The following DAP variants were observed in gnomAD, a reference collection of about 807,000 sequenced individuals.
DAP encodes death associated protein.
A neutral mutation model predicts 13.8 loss-of-function variants in DAP; 8 were observed. That is an observed-to-expected ratio of 0.58 (90% CI 0.34 to 1.05). The LOEUF is 1.05. Ranked by LOEUF, DAP falls within the 50% of genes least tolerant of loss-of-function variation. The pLI is 0.03. For synonymous variants in DAP, 47 were observed against 47.5 expected (o/e 0.99, Z 0.04); for missense variants, 106 against 133.2 (o/e 0.80, Z 1.01).
chr5:10,716,378 A>G (rs1406694790), intron 2 of DAP, among the ~76,000 whole-genome samples: 4 of 152,144 alleles, frequency 2.6e-5, no homozygotes, highest in Non-Finnish European at 4.4e-5. Context: ...CCACCCCTAT[A>G]CTAACTGTGA....
At chr5:10,730,480 T>C (rs978585952) in intron 2 of DAP, among the ~76,000 whole-genome samples, 2 of 137,220 alleles carry the variant, frequency 1.5e-5, no homozygotes, top group African/African-American at 5.9e-5. Flanking sequence ...AGAACCCTGG[T>C]TGGGGCAATC....
At chr5:10,705,374 C>T (rs2918391) in intron 2 of DAP, among the ~76,000 whole-genome samples, 36,459 of 152,096 alleles carry the variant, frequency 0.24, 4,576 homozygotes, top group Middle Eastern at 0.37. Flanking sequence ...AGTGGGAGGC[C>T]CAGGCTAGGG....
intron 2 of DAP, among the ~76,000 whole-genome samples, chr5:10,710,607 G>T (rs866855584): frequency 3.9e-4 from 59 of 152,338 alleles, no homozygotes; most frequent in African/African-American, 1.4e-3. Flanking sequence ...AGGCACGAGG[G>T]TCCACACCAA....
Position 10,720,645 on chromosome 5 carries a change from A to G in DAP, c.152+27530T>C, listed in dbSNP as rs550080649. ...CATGGGCTCAGCAACATGGACTTCC[A>G]TTCACCAAGGCTGACTTGGCTACAG... On this transcript the variant is annotated intron_variant, in intron 2 of 3. Coordinates refer to ENST00000230895, the MANE Select transcript of DAP (RefSeq NM_004394.3). Among the ~76,000 whole-genome samples the G allele has an allele frequency of 2.6e-5, 4 of 152,338 alleles. No individual in the cohort carries two copies. The South Asian group carries it at 6.2e-4, about 24-fold the overall frequency.
chr5:10,757,069 C>T (rs62336800), intron 1 of DAP, among the ~76,000 whole-genome samples: 8,493 of 152,248 alleles, frequency 0.056, 279 homozygotes, highest in South Asian at 0.082. Context: ...ATAACAATAC[C>T]TGTATTTGCA....
At chr5:10,715,929 C>A (rs994672574) in intron 2 of DAP, among the ~76,000 whole-genome samples, 2 of 152,222 alleles carry the variant, frequency 1.3e-5, no homozygotes, top group Non-Finnish European at 2.9e-5. Context: ...CTCGATAATA[C>A]ACCATGCCTA....
intron 2 of DAP, among the ~76,000 whole-genome samples, chr5:10,743,104 A>T (rs1250669517): frequency 6.6e-6 from 1 of 152,240 alleles, no homozygotes; most frequent in Admixed American, 6.5e-5. Context: ...TAGTATTCAC[A>T]TAAGGCAATT....
Position 10,707,474 on chromosome 5 carries a change from T to C in DAP, c.153-23903A>G, listed in dbSNP as rs1209444983. Among the ~76,000 whole-genome samples the C allele has an allele frequency of 6.6e-6, 1 of 152,200 alleles. No individual in the cohort carries two copies. Among genetic ancestry groups the C allele is most frequent in the African/African-American group, 2.4e-5 (1 of 41,442 alleles). ...AGCTGGTGGTGTGATGCACGGGTGA[T>C]GTGGTGCATAAACTATGTGGTGCAC... On this transcript the variant is annotated intron_variant, in intron 2 of 3. Coordinates refer to ENST00000230895, the MANE Select transcript of DAP (RefSeq NM_004394.3). This position sits in a 1 kb window ranked among gnomAD's most constrained non-coding sequence, Gnocchi z 4.0.
At chr5:10,688,034 G>C (rs1401233934) in intron 2 of DAP, among the ~76,000 whole-genome samples, 1 of 150,960 alleles carries the variant, frequency 6.6e-6, no homozygotes, top group African/African-American at 2.4e-5. Flanking sequence ...TCATGCCTCA[G>C]CCTCCAGAGT....
At chr5:10,687,928 T>A (rs112166249) in intron 2 of DAP, among the ~76,000 whole-genome samples, 75 of 139,484 alleles carry the variant, frequency 5.4e-4, no homozygotes, top group African/African-American at 1.9e-3. Flanking sequence ...TTTTTTTTTT[T>A]ACAGAGGGAG....
intron 2 of DAP, among the ~76,000 whole-genome samples, chr5:10,729,794 T>C (rs1447754643): frequency 6.6e-6 from 1 of 152,068 alleles, no homozygotes; most frequent in East Asian, 1.9e-4. Flanking sequence ...AGAAAATTCA[T>C]CCTTACGGCG....
At chr5:10,686,132 C>A (rs1020341613) in intron 2 of DAP, among the ~76,000 whole-genome samples, 3 of 152,180 alleles carry the variant, frequency 2.0e-5, no homozygotes, top group African/African-American at 7.2e-5. Context: ...TGGGGCACCA[C>A]GAACCGTGCC....
intron 2 of DAP, among the ~76,000 whole-genome samples, chr5:10,710,289 G>A (rs901110888): frequency 2.0e-5 from 3 of 152,202 alleles, no homozygotes; most frequent in African/African-American, 4.8e-5. Context: ...TCCTGTAAAC[G>A]GATATCACAG....
chr5:10,717,678 T>C (rs1037625163), intron 2 of DAP, among the ~76,000 whole-genome samples: 6 of 152,206 alleles, frequency 3.9e-5, no homozygotes, highest in African/African-American at 1.4e-4. Flanking sequence ...TACCTCTGTT[T>C]GCTAATTAGA....
At chr5:10,748,549 G>A (rs568912156) in intron 1 of DAP, among the ~76,000 whole-genome samples, 2 of 152,368 alleles carry the variant, frequency 1.3e-5, no homozygotes, top group Admixed American at 6.5e-5. Flanking sequence ...GAGCAGCAGT[G>A]TAACGAGGGC....
At chr5:10,693,124 G>GCACACACACA (rs10596228) in intron 2 of DAP, among the ~76,000 whole-genome samples, 67 of 148,970 alleles carry the variant, frequency 4.5e-4, no homozygotes, top group Admixed American at 1.7e-3. Flanking sequence ...ACATGCACAC[G>GCACACACACA]CACACACACA....
intron 2 of DAP, among the ~76,000 whole-genome samples, chr5:10,732,083 C>T (rs1157532020): frequency 2.0e-5 from 3 of 152,262 alleles, no homozygotes; most frequent in African/African-American, 7.2e-5. Context: ...CCAGAAAGTC[C>T]TGTCACCACA....
Position 10,739,201 on chromosome 5 carries a change from CAAAAAAAAAAAAAAA to C in DAP, c.152+8959_152+8973del, listed in dbSNP as rs10644743. Among the ~76,000 whole-genome samples, 368 of 71,636 alleles carry C rather than the reference CAAAAAAAAAAAAAAA, an allele frequency of 5.1e-3. 2 individuals carry two copies. Among genetic ancestry groups the C allele is most frequent in the African/African-American group, 0.019 (339 of 18,020 alleles). 47.0% of individuals were successfully genotyped at this position (71,636 alleles called of 152,430 possible). A position where few individuals can be genotyped will look rare whatever the true frequency, so the allele number is the denominator to read the frequency against. On this transcript the variant is annotated intron_variant, in intron 2 of 3. Coordinates refer to ENST00000230895, the MANE Select transcript of DAP (RefSeq NM_004394.3). ...TGGGTGACAGAGCAAGACTCTGAAT[CAAAAAAAAAAAAAAA>C]AAAAAAAAAAGAAAGAAAGAAATGG...
At chr5:10,749,278 G>A (rs886234252) in intron 1 of DAP, among the ~76,000 whole-genome samples, 6 of 152,064 alleles carry the variant, frequency 3.9e-5, no homozygotes, top group African/African-American at 9.7e-5. Context: ...GAACTTACAC[G>A]TAAGTTTTTG....
Sources: gnomAD v4.1 joint callset for allele counts (sites outside exome capture counted in the v4.1 genomes callset) on GRCh38, gnomAD v4.1.1 for gene constraint, Gnocchi (gnomAD v3.1) non-coding constraint, MANE v1.5 for transcripts, NCBI Gene and HGNC (gene_info 2026-07-23, HGNC 2026-07-21) for gene names.